PTPRQ: variants seen among roughly 807,000 people sequenced by gnomAD.
PTPRQ encodes phosphatidylinositol phosphatase PTPRQ.
PTPRQ carries 199 observed loss-of-function variants against 246.0 expected under a neutral mutation model. The ratio of observed to expected loss-of-function variants is 0.81; its 90% CI spans 0.72 to 0.91. The LOEUF is 0.91. PTPRQ is among the 40% of genes least tolerant of loss of function. PTPRQ has a pLI of 0.00. For synonymous variants in PTPRQ, 869 were observed against 853.2 expected (o/e 1.02, Z -0.32); for missense variants, 2,624 against 2,528.4 (o/e 1.04, Z -0.81).
At chr12:80,511,488 A>G (rs1208589604) in intron 17 of PTPRQ, among the ~76,000 whole-genome samples, 1 of 152,304 alleles carries the variant, frequency 6.6e-6, no homozygotes, top group Non-Finnish European at 1.5e-5. Context: ...CTCATGAAGA[A>G]GACTCACATA....
chr12:80,512,844 C>T (rs1349567038), intron 17 of PTPRQ: 1 of 152,036 alleles, frequency 6.6e-6, no homozygotes, highest in Non-Finnish European at 1.5e-5. Context: ...AGGGGAAGCC[C>T]AATGAAAGTG....
intron 14 of PTPRQ, among the ~76,000 whole-genome samples, chr12:80,502,845 G>A (rs554391401): frequency 6.6e-6 from 1 of 151,858 alleles, no homozygotes; most frequent in Non-Finnish European, 1.5e-5. Context: ...TAAGGTGGGG[G>A]AAAAGATTAT....
intron 14 of PTPRQ, 100 bp from the exon 15 acceptor site, chr12:80,505,924 G>T: frequency 2.4e-6 from 3 of 1,275,804 alleles, no homozygotes; most frequent in Non-Finnish European, 3.1e-6. Flanking sequence ...TCTAGTGAAG[G>T]TTCAATTGTA....
intron 29 of PTPRQ, among the ~76,000 whole-genome samples, chr12:80,615,821 A>G (rs1203925764): frequency 6.6e-6 from 1 of 151,050 alleles, no homozygotes; most frequent in African/African-American, 2.4e-5. Context: ...GAGAGCGTAG[A>G]TACAGTGGCT....
chr12:80,534,379 T>C (rs1895928109), intron 18 of PTPRQ, among the ~76,000 whole-genome samples: 1 of 152,074 alleles, frequency 6.6e-6, no homozygotes, highest in Non-Finnish European at 1.5e-5. Context: ...CCATTGGTAA[T>C]GTGGAAACAG....
At chr12:80,671,075 G>T (rs1332300129) in intron 42 of PTPRQ, among the ~76,000 whole-genome samples, 1 of 151,790 alleles carries the variant, frequency 6.6e-6, no homozygotes, top group Admixed American at 6.6e-5. Context: ...CTGTACATAA[G>T]AAAAGATAAA....
Position 80,514,541 on chromosome 12 carries a change from G to GTA in PTPRQ, c.2678+4113_2678+4114dup, listed in dbSNP as rs907104034. On this transcript the variant is annotated intron_variant, in intron 17 of 44. Coordinates refer to ENST00000644991, the MANE Select transcript of PTPRQ (RefSeq NM_001145026.2). The stretch of plus-strand genomic sequence containing the variant: ...AAGAGTATGTTTTAAGTTAGAAACT[G>GTA]TATATATATATATATAAATATATAT... Among the ~76,000 whole-genome samples, 377 of 137,294 alleles carry GTA rather than the reference G, an allele frequency of 2.7e-3. 3 individuals carry two copies. The highest frequency in any genetic ancestry group is 5.1e-3 in the African/African-American group (192 of 37,714). 90.1% of individuals were successfully genotyped at this position (137,294 alleles called of 152,430 possible).
In PTPRQ at chr12:80,589,702, G is replaced by A. The variant is rs532456131; in HGVS notation, c.4609+1250G>A. Reference sequence around the variant, plus strand: ...TTAATATAATTTGACATTTGAGGTAGAATCCTGACAACTCAGACTTTGACA... The same window carrying A: ...TTAATATAATTTGACATTTGAGGTAAAATCCTGACAACTCAGACTTTGACA... On this transcript the variant is annotated intron_variant, in intron 26 of 44. Transcript: ENST00000644991. Among the ~76,000 whole-genome samples, 78 of 152,306 alleles carry A rather than the reference G, an allele frequency of 5.1e-4. 1 individual carries two copies. The highest frequency in any genetic ancestry group is 1.8e-3 in the African/African-American group (76 of 41,566).
chr12:80,450,435 A>G (rs548067082), intron 3 of PTPRQ, among the ~76,000 whole-genome samples: 10 of 152,196 alleles, frequency 6.6e-5, no homozygotes, highest in East Asian at 1.9e-4. Context: ...GTGGTGAGAG[A>G]GGGCATCCCT....
At chr12:80,494,816 G>C in intron 10 of PTPRQ, 117 bp from the exon 11 acceptor site, 1 of 1,045,432 alleles carries the variant, frequency 9.6e-7, no homozygotes, top group Non-Finnish European at 1.3e-6. Flanking sequence ...GGTGTGCATG[G>C]AGAGATTAAT....
intron 24 of PTPRQ, 69 bp from the exon 25 acceptor site, chr12:80,549,396 C>A: frequency 2.1e-6 from 3 of 1,442,744 alleles, no homozygotes; most frequent in African/African-American, 2.9e-5. Context: ...CTAGTGATCA[C>A]GTAATTCAAT....
At chr12:80,548,144 A>T (rs1481967858) in intron 24 of PTPRQ, among the ~76,000 whole-genome samples, 1 of 152,102 alleles carries the variant, frequency 6.6e-6, no homozygotes, top group African/African-American at 2.4e-5. Context: ...ACCCATAAAT[A>T]TTTTTTATCA....
At chr12:80,635,580 T>C (rs1396869059) in intron 35 of PTPRQ, among the ~76,000 whole-genome samples, 1 of 152,012 alleles carries the variant, frequency 6.6e-6, no homozygotes, top group Non-Finnish European at 1.5e-5. Flanking sequence ...AAATTAAATA[T>C]AAAGTAAAAA....
chr12:80,526,850 G>C (rs1306897504), intron 17 of PTPRQ, among the ~76,000 whole-genome samples: 1 of 151,850 alleles, frequency 6.6e-6, no homozygotes, highest in Non-Finnish European at 1.5e-5. Flanking sequence ...TTAATGTGGT[G>C]ATCAGATATT....
rs530630968 is a variant in PTPRQ at position 80,675,736 on chromosome 12, CTGTT to C, written c.6738+2434_6738+2437del. Among the ~76,000 whole-genome samples the C allele has an allele frequency of 1.6e-3, 238 of 152,278 alleles. 2 individuals are homozygous for C. Among genetic ancestry groups the C allele is most frequent in the Non-Finnish European group, 2.8e-3 (190 of 68,026 alleles). On this transcript the variant is annotated intron_variant, in intron 43 of 44. Transcript: ENST00000644991. The stretch of plus-strand genomic sequence containing the variant: ...TATGTTATAAACTTCATACATTATT[CTGTT>C]TAACCAGCCATAGCAAATTGTCACA...
chr12:80,599,974 C>G, intron 26 of PTPRQ, among the ~76,000 whole-genome samples: 1 of 151,566 alleles, frequency 6.6e-6, no homozygotes, highest in Admixed American at 6.6e-5. Context: ...AAATTTTTGG[C>G]AAAGGATTCA....
chr12:80,661,515 A>G (rs1456703910), intron 39 of PTPRQ, among the ~76,000 whole-genome samples: 1 of 151,530 alleles, frequency 6.6e-6, no homozygotes, highest in Non-Finnish European at 1.5e-5. Flanking sequence ...AAACATATAC[A>G]TATATGTGTA....
In PTPRQ at chr12:80,445,583, A is replaced by T. The variant is rs763472295; in HGVS notation, c.256A>T (p.Ile86Phe). Residue 86 changes from isoleucine to phenylalanine, a missense_variant, in exon 3 of 45, where the codon ATT becomes TTT. Transcript: ENST00000644991. ...TACACCACCTAATCCAAATGGAAGG[A>T]TTATATCTTACATTGTCAAATATAA... The part of the protein sequence containing the change: ...WNTPPNPNGR[I>F]ISYIVKYKEV... The T allele has an allele frequency of 1.1e-5, 17 of 1,548,306 alleles. 1 individual carries two copies. In the Admixed American group the frequency reaches 1.2e-4, roughly 11 times the overall value.
chr12:80,610,555 T>C lies in PTPRQ; in HGVS notation c.4848T>C (p.Thr1616=), dbSNP rs962518231. 1.1e-5 allele frequency: 17 copies of C among 1,543,666 alleles called. No homozygotes were observed. The Admixed American group carries it at 2.0e-4, about 18-fold the overall frequency. Residue 1616 remains threonine (T), a synonymous_variant, in exon 28 of 45, where the codon ACT becomes ACC. Coordinates refer to ENST00000644991, the MANE Select transcript of PTPRQ (RefSeq NM_001145026.2). Reference sequence around the variant, plus strand: ...ATTCTGTAGTGATCACTGCATTTACTGGGAACATTAGTGCTGCATATGTAG... The same window carrying C: ...ATTCTGTAGTGATCACTGCATTTACCGGGAACATTAGTGCTGCATATGTAG... ...TRYSVVITAF[T]GNISAAYVEG...
Sources: allele counts gnomAD v4.1 joint callset (sites outside exome capture counted in the v4.1 genomes callset), GRCh38; gene constraint gnomAD v4.1.1; transcripts MANE v1.5; gene names NCBI Gene and HGNC (gene_info 2026-07-23, HGNC 2026-07-21).